Variants in PLCB4 observed in about 807,000 individuals in gnomAD.
The protein encoded by PLCB4 is phospholipase C beta 4, also known as 1-phosphatidylinositol 4,5-bisphosphate phosphodiesterase beta-4.
In PLCB4, 77 loss-of-function variants were observed where a neutral mutation model predicts 178.8. The observed-to-expected ratio is 0.43, with a 90% CI of 0.36 to 0.52. The LOEUF (loss-of-function observed/expected upper bound fraction) is 0.52. PLCB4 is among the 20% of genes least tolerant of loss of function. The pLI is 0.00. For missense variants in PLCB4, 1,024 were observed against 1,453.4 expected, an observed-to-expected ratio of 0.70 and a Z score of 4.80; for synonymous variants, 496 against 490.8, an observed-to-expected ratio of 1.01 and a Z score of -0.14.
intron 7 of PLCB4, among the ~76,000 whole-genome samples, chr20:9,341,860 G>A (rs116246184): frequency 0.022 from 3,291 of 152,168 alleles, 131 homozygotes; most frequent in African/African-American, 0.075. Flanking sequence ...AAATAATTCT[G>A]TATTGGATTT....
chr20:9,394,959 G>C (rs1052541131), intron 18 of PLCB4, among the ~76,000 whole-genome samples: 7 of 151,584 alleles, frequency 4.6e-5, no homozygotes, highest in East Asian at 1.9e-4. Context: ...CTCCTTTTTT[G>C]CATATTACTA....
chr20:9,466,684 C>T (rs972443850), intron 35 of PLCB4, among the ~76,000 whole-genome samples: 2 of 152,222 alleles, frequency 1.3e-5, no homozygotes, highest in Non-Finnish European at 2.9e-5. Context: ...AAAAAATGCT[C>T]ATCATCACTG....
chr20:9,137,383 T>C (rs961821), intron 2 of PLCB4, among the ~76,000 whole-genome samples: 149,320 of 152,186 alleles, frequency 0.98, 73,269 homozygotes, highest in Middle Eastern at 1. Flanking sequence ...GCCCTAAGGA[T>C]ACTCAGCATG....
At chr20:9,082,420 CTT>C (rs1484554209) in intron 1 of PLCB4, among the ~76,000 whole-genome samples, 3 of 152,152 alleles carry the variant, frequency 2.0e-5, no homozygotes, top group Non-Finnish European at 2.9e-5. Context: ...AAAAGAGTGT[CTT>C]TGACAGTCTT....
At chr20:9,164,002 C>G (rs1254486069) in intron 2 of PLCB4, among the ~76,000 whole-genome samples, 2 of 152,146 alleles carry the variant, frequency 1.3e-5, no homozygotes, top group Non-Finnish European at 2.9e-5. Flanking sequence ...TGATTATAGG[C>G]AAACTTAAAA....
intron 30 of PLCB4, among the ~76,000 whole-genome samples, chr20:9,439,439 G>A (rs1353300610): frequency 6.6e-6 from 1 of 152,188 alleles, no homozygotes; most frequent in African/African-American, 2.4e-5. Context: ...TAGAGAAATA[G>A]ACTCTACCTC....
intron 2 of PLCB4, among the ~76,000 whole-genome samples, chr20:9,197,189 G>T (rs1318670695): frequency 1.3e-5 from 2 of 152,148 alleles, no homozygotes; most frequent in African/African-American, 2.4e-5. Context: ...CTCTCCAGTT[G>T]TCTTTCTTCT....
chr20:9,457,392 A>T (rs775311056), intron 33 of PLCB4, 22 bp from the exon 34 acceptor site: 1 of 1,215,672 alleles, frequency 8.2e-7, no homozygotes, highest in African/African-American at 1.5e-5. Flanking sequence ...TCTGGCATGC[A>T]TTTGCAACTT....
chr20:9,341,395 CT>C (rs2033178513), intron 7 of PLCB4, among the ~76,000 whole-genome samples: 1 of 152,044 alleles, frequency 6.6e-6, no homozygotes, highest in Non-Finnish European at 1.5e-5. Flanking sequence ...AATTCACATA[CT>C]TTTTGTATGG....
intron 2 of PLCB4, among the ~76,000 whole-genome samples, chr20:9,139,001 A>G (rs555009163): frequency 1.3e-5 from 2 of 152,232 alleles, no homozygotes; most frequent in South Asian, 4.1e-4. Context: ...TGGTCATGTT[A>G]AAGGTCATTA....
At chr20:9,431,108 A>G (rs2041363543) in intron 28 of PLCB4, among the ~76,000 whole-genome samples, 1 of 152,188 alleles carries the variant, frequency 6.6e-6, no homozygotes, top group African/African-American at 2.4e-5. Flanking sequence ...AGTGGTGGGC[A>G]GGGCCATGCC....
chr20:9,384,322 T>C lies in PLCB4; in HGVS notation c.975T>C (p.Ser325=), dbSNP rs369186435. 3 of 1,614,032 alleles carry C rather than the reference T, an allele frequency of 1.9e-6. No homozygotes were observed. Among genetic ancestry groups the C allele is most frequent in the Admixed American group, 3.3e-5 (2 of 60,008 alleles). ...ATCCTCTGGCTCACTACTTCATCAG[T>C]TCTTCCCATAACACTTATCTCACTG... ...MDHPLAHYFI[S]SSHNTYLTGR... is the part of the protein sequence containing the mutation. The change falls in exon 14 of 40, where the codon AGT becomes AGC. Residue 325 remains serine, a synonymous_variant. Transcript: ENST00000378473.
At position 9,479,074 on chromosome 20, in the gene PLCB4, G is replaced by A; in HGVS notation, c.*65G>A. On this transcript the variant is annotated 3_prime_UTR_variant, in exon 40 of 40. Transcript: ENST00000378473. ...ACTTCTGAACACAAACTCCATGGATGAAAGCTGTTTATTTTGTTTCCTTTA... is the reference window on the plus strand; with the variant it reads ...ACTTCTGAACACAAACTCCATGGATAAAAGCTGTTTATTTTGTTTCCTTTA... 2 of 1,101,406 alleles carry A rather than the reference G, an allele frequency of 1.8e-6. No homozygotes were observed. Among genetic ancestry groups the A allele is most frequent in the South Asian group, 1.3e-5 (1 of 77,216 alleles). 68.2% of individuals were successfully genotyped at this position (1,101,406 alleles called of 1,614,324 possible). A position where few individuals can be genotyped will look rare whatever the true frequency, so the allele number is the denominator to read the frequency against.
intron 4 of PLCB4, among the ~76,000 whole-genome samples, chr20:9,334,890 G>A (rs558026317): frequency 6.6e-6 from 1 of 152,244 alleles, no homozygotes; most frequent in Admixed American, 6.5e-5. Flanking sequence ...GCAAGCTCTA[G>A]GGGTACTCAG....
chr20:9,158,425 C>T (rs1459913004), intron 2 of PLCB4, among the ~76,000 whole-genome samples: 1 of 147,790 alleles, frequency 6.8e-6, no homozygotes, highest in Non-Finnish European at 1.5e-5. Context: ...GTCTCCACAC[C>T]TGGCTAATTT....
chr20:9,474,312 A>G (rs915947960), intron 38 of PLCB4, among the ~76,000 whole-genome samples: 1 of 152,186 alleles, frequency 6.6e-6, no homozygotes, highest in Non-Finnish European at 1.5e-5. Context: ...TCTGGTGCAT[A>G]GTACAGGTGG....
At chr20:9,323,557 T>C (rs920828396) in intron 4 of PLCB4, among the ~76,000 whole-genome samples, 1 of 152,210 alleles carries the variant, frequency 6.6e-6, no homozygotes, top group Admixed American at 6.5e-5. Context: ...TGGTTCCTAA[T>C]TTTTAAGGAA....
intron 2 of PLCB4, among the ~76,000 whole-genome samples, chr20:9,158,272 C>CT (rs923041309): frequency 3.6e-4 from 53 of 146,890 alleles, no homozygotes; most frequent in South Asian, 6.5e-4. Context: ...ATGTTTCTCA[C>CT]TTTTTTTTTT....
At chr20:9,168,167 C>T (rs997274122) in intron 2 of PLCB4, among the ~76,000 whole-genome samples, 32 of 152,280 alleles carry the variant, frequency 2.1e-4, no homozygotes, top group African/African-American at 7.7e-4. Flanking sequence ...TATTTCCAGA[C>T]ACATTAAAGC....
Sources: allele counts gnomAD v4.1 joint callset (sites outside exome capture counted in the v4.1 genomes callset), GRCh38; gene constraint gnomAD v4.1.1; transcripts MANE v1.5; gene names NCBI Gene and HGNC (gene_info 2026-07-23, HGNC 2026-07-21).